The following ACYP2 variants were observed in gnomAD, a reference collection of about 807,000 sequenced individuals.
ACYP2 encodes acylphosphatase 2, also known as acylphosphatase-2.
In ACYP2, 12 loss-of-function variants were observed where a neutral mutation model predicts 11.2. The ratio of observed to expected loss-of-function variants is 1.08; its 90% CI spans 0.69 to 1.74. ACYP2 has a LOEUF of 1.74. Among genes scored for constraint, ACYP2 ranks in the 40% most tolerant of loss-of-function variants. The pLI, the probability that ACYP2 is intolerant of heterozygous loss-of-function variation, is 0.00. For synonymous variants in ACYP2, 43 were observed against 32.2 expected (o/e 1.33, Z -1.13); for missense variants, 134 against 101.9 (o/e 1.31, Z -1.35).
At chr2:54,037,348 C>G (rs1483390088) in intron 2 of ACYP2, among the ~76,000 whole-genome samples, 1 of 152,164 alleles carries the variant, frequency 6.6e-6, no homozygotes, top group Non-Finnish European at 1.5e-5. Flanking sequence ...CTCCTGTTCT[C>G]AAGTGATCCA....
intron 2 of ACYP2, among the ~76,000 whole-genome samples, chr2:54,039,731 G>C (rs540071689): frequency 6.6e-6 from 1 of 151,940 alleles, no homozygotes; most frequent in Non-Finnish European, 1.5e-5. Context: ...TGGAGGGCTT[G>C]GAGGGTTTTT....
intron 6 of ACYP2, among the ~76,000 whole-genome samples, chr2:54,161,174 A>C (rs1371178497): frequency 3.9e-5 from 6 of 152,200 alleles, no homozygotes; most frequent in Admixed American, 3.9e-4. Flanking sequence ...ATGGATGCTT[A>C]AGGGTGAAAG....
intron 6 of ACYP2, among the ~76,000 whole-genome samples, chr2:54,201,628 C>G (rs865810285): frequency 5.0e-5 from 5 of 99,442 alleles, no homozygotes; most frequent in African/African-American, 7.9e-5. Flanking sequence ...TTCTTTGTTT[C>G]TTTCTTTCTC....
At chr2:54,047,801 A>AAT (rs1468605310) in intron 2 of ACYP2, among the ~76,000 whole-genome samples, 4 of 152,262 alleles carry the variant, frequency 2.6e-5, no homozygotes, top group African/African-American at 9.6e-5. Context: ...TAATACATTA[A>AAT]ATATATCATG....
At position 54,138,538 on chromosome 2, in the gene ACYP2, A is replaced by G. The variant is rs563652307; in HGVS notation, c.295-101A>G. The stretch of plus-strand genomic sequence containing the variant: ...CAATTGTTGGCATTGACTACAAAAA[A>G]TGATTATTAGGTTAGCATTTTTTGG... On this transcript the variant is annotated intron_variant, in intron 5 of 6. Coordinates refer to ENST00000607452, the MANE Select transcript of ACYP2 (RefSeq NM_001320586.2). 1.9e-5 allele frequency: 16 copies of G among 855,608 alleles called. No homozygotes were observed. The African/African-American group carries it at 2.7e-4, about 15-fold the overall frequency. 53.0% of individuals were successfully genotyped at this position (855,608 alleles called of 1,614,324 possible). A position where few individuals can be genotyped will look rare whatever the true frequency, so the allele number is the denominator to read the frequency against.
In ACYP2 at chr2:54,266,405, C is replaced by A. The variant is rs573376438; in HGVS notation, c.405-38283C>A. On this transcript the variant is annotated intron_variant, in intron 6 of 6. Transcript: ENST00000607452. ...ACAGTGGAGGAAATTAAAATATGGA[C>A]TGGATAGTAAATGTTTTTCCAACAA... Among the ~76,000 whole-genome samples the A allele has an allele frequency of 2.0e-5, 3 of 152,082 alleles. No homozygotes were observed. In the East Asian group the frequency reaches 5.8e-4, roughly 29 times the overall value.
intron 6 of ACYP2, among the ~76,000 whole-genome samples, chr2:54,252,732 G>A (rs1264136773): frequency 3.3e-5 from 5 of 151,826 alleles, no homozygotes; most frequent in Non-Finnish European, 5.9e-5. Context: ...GTGAAACCCC[G>A]TCTCTCCTAA....
chr2:54,207,449 G>C (rs1472058526), intron 6 of ACYP2, among the ~76,000 whole-genome samples: 1 of 151,846 alleles, frequency 6.6e-6, no homozygotes, highest in Non-Finnish European at 1.5e-5. Flanking sequence ...CATTATGGAG[G>C]GTAATTTGCT....
chr2:54,102,714 GTTC>G (rs961305701), intron 4 of ACYP2, among the ~76,000 whole-genome samples: 9 of 140,870 alleles, frequency 6.4e-5, no homozygotes, highest in South Asian at 2.2e-4. Context: ...CTAGTTGAGA[GTTC>G]TTCTTTCAGG....
At chr2:53,989,878 G>A (rs1028031493) in intron 2 of ACYP2, among the ~76,000 whole-genome samples, 3 of 151,882 alleles carry the variant, frequency 2.0e-5, no homozygotes, top group Non-Finnish European at 4.4e-5. Context: ...CCACCAGACT[G>A]TTCCTGCCAC....
chr2:54,232,504 A>G (rs1290103816), intron 6 of ACYP2, among the ~76,000 whole-genome samples: 2 of 152,172 alleles, frequency 1.3e-5, no homozygotes, highest in Non-Finnish European at 2.9e-5. Context: ...CATGTCACCC[A>G]AATCGCATGG....
chr2:54,300,946 A>G (rs1689700559), intron 6 of ACYP2, among the ~76,000 whole-genome samples: 2 of 152,220 alleles, frequency 1.3e-5, no homozygotes, highest in African/African-American at 4.8e-5. Flanking sequence ...TTTAAAAATT[A>G]TGAGTATGAG....
At chr2:54,056,821 A>T (rs917749821) in intron 3 of ACYP2, among the ~76,000 whole-genome samples, 1 of 152,220 alleles carries the variant, frequency 6.6e-6, no homozygotes, top group Non-Finnish European at 1.5e-5. Flanking sequence ...TATTAAGAAT[A>T]TAATGAATTT....
At chr2:54,141,576 T>A (rs1681601246) in intron 6 of ACYP2, among the ~76,000 whole-genome samples, 1 of 152,186 alleles carries the variant, frequency 6.6e-6, no homozygotes. Flanking sequence ...ATAGACTGGA[T>A]TTTATTTCTG....
chr2:54,038,353 G>A (rs574855555), intron 2 of ACYP2, among the ~76,000 whole-genome samples: 1 of 151,330 alleles, frequency 6.6e-6, no homozygotes, highest in Non-Finnish European at 1.5e-5. Context: ...CATACTCTTT[G>A]TTTTTTTTGC....
chr2:54,008,009 A>G (rs912749556), intron 2 of ACYP2, among the ~76,000 whole-genome samples: 4 of 152,226 alleles, frequency 2.6e-5, no homozygotes, highest in Admixed American at 6.5e-5. Context: ...ATGACCAGGG[A>G]CACCTCAGAG....
rs187249317 is a variant in ACYP2 at position 54,069,069 on chromosome 2, A to T, written c.277+11709A>T. ...CATCCTCTTGAGTAGCTGGGACTAC[A>T]TGTGGCACCACCACACCCAACTAAT... On this transcript the variant is annotated intron_variant, in intron 4 of 6. Coordinates refer to ENST00000607452, the MANE Select transcript of ACYP2 (RefSeq NM_001320586.2). 4.5e-3 allele frequency among the ~76,000 whole-genome samples: 679 copies of T among 152,054 alleles called. 1 individual carries two copies. Among genetic ancestry groups the T allele is most frequent in the Middle Eastern group, 6.8e-3 (2 of 294 alleles).
At position 54,138,755 on chromosome 2, in the gene ACYP2, A is replaced by G. The variant is rs757869379; in HGVS notation, c.404+7A>G. 1.0e-5 allele frequency: 16 copies of G among 1,604,582 alleles called. No homozygotes were observed. The highest frequency in any genetic ancestry group is 1.3e-5 in the Non-Finnish European group (15 of 1,173,890). ...AAGACAAAGTCAATTCCATGTGAGT[A>G]GTAAAATTAATAACATGTACATGAA... On this transcript the variant is annotated splice_region_variant and intron_variant, in intron 6 of 6. Coordinates refer to ENST00000607452, the MANE Select transcript of ACYP2 (RefSeq NM_001320586.2).
At chr2:54,244,619 G>T (rs1214098088) in intron 6 of ACYP2, among the ~76,000 whole-genome samples, 1 of 152,220 alleles carries the variant, frequency 6.6e-6, no homozygotes, top group Non-Finnish European at 1.5e-5. Flanking sequence ...GTCTATTCCT[G>T]TGTCAGGAAT....
Sources: gnomAD v4.1 joint callset for allele counts (sites outside exome capture counted in the v4.1 genomes callset) on GRCh38, gnomAD v4.1.1 for gene constraint, MANE v1.5 for transcripts, NCBI Gene and HGNC (gene_info 2026-07-23, HGNC 2026-07-21) for gene names.